HCN3: variants seen among roughly 807,000 people sequenced by gnomAD.
The protein encoded by HCN3 is potassium/sodium hyperpolarization-activated cyclic nucleotide-gated channel 3.
HCN3 carries 36 observed loss-of-function variants against 56.8 expected under a neutral mutation model. The observed-to-expected ratio is 0.63, with a 90% CI of 0.49 to 0.84. The LOEUF is 0.84. Ranked by LOEUF, HCN3 falls within the 40% of genes least tolerant of loss-of-function variation. The pLI, the probability that HCN3 is intolerant of heterozygous loss-of-function variation, is 0.00. For missense variants in HCN3, 930 were observed against 1,079.3 expected, an observed-to-expected ratio of 0.86 and a Z score of 1.94; for synonymous variants, 425 against 439.7, an observed-to-expected ratio of 0.97 and a Z score of 0.42.
Position 155,287,259 on chromosome 1 carries a change from T to A in HCN3, c.1564T>A (p.Phe522Ile). ...CCTTTACTCACTCAGCGTGGACCAT[T>A]TCAATGCTGTGCTTGAGGAGTTCCC... ...CRLYSLSVDH[F>I]NAVLEEFPMM... The change falls in exon 7 of 8, where the codon TTC (phenylalanine) becomes ATC (isoleucine). Residue 522 changes from phenylalanine to isoleucine, a missense_variant. Physicochemically the swap from Phe to Ile is conservative, Grantham distance 21. Transcript: ENST00000368358. 6.2e-7 allele frequency: 1 copy of A among 1,614,042 alleles called. No individual in the cohort carries two copies. Among genetic ancestry groups the A allele is most frequent in the Non-Finnish European group, 8.5e-7 (1 of 1,179,948 alleles).
In HCN3 at chr1:155,285,048, C is replaced by T. The variant is rs913054917; in HGVS notation, c.1090-117C>T. On this transcript the variant is annotated intron_variant, in intron 4 of 7. Transcript: ENST00000368358. The surrounding 1 kb of genome is among the most constrained non-coding windows in gnomAD (Gnocchi z 4.5). ...CCCTGTGTATCCATGTCTGGTTCCA[C>T]GTTTCACCCCTTTGAGTTTGACCTG... The T allele has an allele frequency of 2.9e-5, 35 of 1,190,700 alleles. No homozygotes were observed. The highest frequency in any genetic ancestry group is 2.1e-4 in the African/African-American group (14 of 65,706). 73.8% of individuals were successfully genotyped at this position (1,190,700 alleles called of 1,614,324 possible).
rs146472527 is a variant in HCN3, at chr1:155,282,026, G to C, written c.279-385G>C. Among the ~76,000 whole-genome samples, 553 of 152,342 alleles carry C rather than the reference G, an allele frequency of 3.6e-3. 2 individuals are homozygous for C. The highest frequency in any genetic ancestry group is 0.012 in the Admixed American group (189 of 15,300). On this transcript the variant is annotated intron_variant, in intron 1 of 7. Transcript: ENST00000368358. The surrounding 1 kb of genome is among the most constrained non-coding windows in gnomAD (Gnocchi z 4.7). ...GCTGTAGTTGGGTAATTTCACAGCTGTATGGTATGCCAGCCCATAAATAGT... is the reference window on the plus strand; with the variant it reads ...GCTGTAGTTGGGTAATTTCACAGCTCTATGGTATGCCAGCCCATAAATAGT...
rs976486479 is a variant in HCN3, at chr1:155,285,919, C to T, written c.1432C>T (p.Arg478Cys). ...GCATGGGCTGCTCAGTGTGCTGGCC[C>T]GCGGCGCCCGGGACACACGCCTCAC... The part of the protein sequence containing the change: ...IQHGLLSVLA[R>C]GARDTRLTDG... The change falls in exon 6 of 8, where the codon CGC becomes TGC. Residue 478 changes from arginine to cysteine, a missense_variant. Transcript: ENST00000368358. The surrounding 1 kb of genome is among the most constrained non-coding windows in gnomAD (Gnocchi z 4.5). The T allele has an allele frequency of 2.9e-5, 46 of 1,607,538 alleles. No homozygotes were observed. Among genetic ancestry groups the T allele is most frequent in the South Asian group, 5.5e-5 (5 of 90,696 alleles).
Position 155,280,640 on chromosome 1 carries a change from G to T in HCN3, c.279-1771G>T, listed in dbSNP as rs189797097. 1.8e-3 allele frequency among the ~76,000 whole-genome samples: 267 copies of T among 148,558 alleles called. 1 individual carries two copies. Among genetic ancestry groups the T allele is most frequent in the African/African-American group, 6.4e-3 (258 of 40,204 alleles). ...TTTTTAGTAGAGATGGGGTTTCACC[G>T]TGTTAGCCAGGATGGTCTCAATCTC... On this transcript the variant is annotated intron_variant, in intron 1 of 7. Coordinates refer to ENST00000368358, the MANE Select transcript of HCN3 (RefSeq NM_020897.3).
chr1:155,282,825 A>G lies in HCN3; in HGVS notation c.693A>G (p.Ile231Met). 7.3e-7 allele frequency: 1 copy of G among 1,366,156 alleles called. No homozygotes were observed. The highest frequency in any genetic ancestry group is 1.5e-5 in the African/African-American group (1 of 65,580). 84.6% of individuals were successfully genotyped at this position (1,366,156 alleles called of 1,614,324 possible). A position where few individuals can be genotyped will look rare whatever the true frequency, so the allele number is the denominator to read the frequency against. Residue 231 changes from isoleucine (I) to methionine (M), a missense_variant, in exon 2 of 8, where the codon ATA becomes ATG. Physicochemically the swap from Ile to Met is conservative, Grantham distance 10. Coordinates refer to ENST00000368358, the MANE Select transcript of HCN3 (RefSeq NM_020897.3). The surrounding 1 kb of genome is among the most constrained non-coding windows in gnomAD (Gnocchi z 4.7). ...LLRLSRLIRY[I>M]HQWEEIFHMT... ...GCCTCTCCCGCCTCATCCGCTACAT[A>G]CACCAGTGGGAGGAGGTGGGGTGGG...
chr1:155,287,388 C>G lies in HCN3; in HGVS notation c.1642+51C>G, dbSNP rs1484861166. The G allele has an allele frequency of 4.4e-6, 7 of 1,599,686 alleles. No homozygotes were observed. The Admixed American group carries it at 1.0e-4, about 23-fold the overall frequency. On this transcript the variant is annotated intron_variant, in intron 7 of 7. Transcript: ENST00000368358. Reference sequence around the variant, plus strand: ...CTGGGTCCAGACTGTGCTCTCACCCCACCTCCAAAGCAAGGAGCCCAGGCT... The same window carrying G: ...CTGGGTCCAGACTGTGCTCTCACCCGACCTCCAAAGCAAGGAGCCCAGGCT...
chr1:155,285,426 C>T lies in HCN3; in HGVS notation c.1236+115C>T. The stretch of plus-strand genomic sequence containing the variant: ...TAGGGAATGAGGCCTGCAGAGGGCC[C>T]CGTGGGAGGCCAGGTATTTGGGCTT... On this transcript the variant is annotated intron_variant, in intron 5 of 7. Coordinates refer to ENST00000368358, the MANE Select transcript of HCN3 (RefSeq NM_020897.3). The surrounding 1 kb of genome is among the most constrained non-coding windows in gnomAD (Gnocchi z 4.5). 7.3e-7 allele frequency: 1 copy of T among 1,363,414 alleles called. No individual in the cohort carries two copies. Among genetic ancestry groups the T allele is most frequent in the Non-Finnish European group, 9.9e-7 (1 of 1,010,770 alleles). The allele number at this position is 1,363,414 out of a possible 1,614,324, so 84.5% of individuals were successfully genotyped here.
chr1:155,284,776 G>A lies in HCN3; in HGVS notation c.1089+19G>A, dbSNP rs1674209667. Reference sequence around the variant, plus strand: ...GGAGAAGGTCAGCAGGGACAGGAGAGGGAGGTGTGGCATGGAGGGGTGTTG... The same window carrying A: ...GGAGAAGGTCAGCAGGGACAGGAGAAGGAGGTGTGGCATGGAGGGGTGTTG... On this transcript the variant is annotated intron_variant, in intron 4 of 7. Coordinates refer to ENST00000368358, the MANE Select transcript of HCN3 (RefSeq NM_020897.3). The surrounding 1 kb of genome is among the most constrained non-coding windows in gnomAD (Gnocchi z 4.3). The A allele has an allele frequency of 1.3e-6, 2 of 1,598,770 alleles. No individual in the cohort carries two copies. Among genetic ancestry groups the A allele is most frequent in the East Asian group, 2.2e-5 (1 of 44,482 alleles).
At chr1:155,286,115 G>C (rs11264353) in intron 6 of HCN3, 151 bp downstream of exon 6, 331,174 of 1,117,342 alleles carry the variant, frequency 0.3, 56,624 homozygotes, top group East Asian at 0.73. Context: ...TCTGGGCTGG[G>C]GTCTGGAGCT....
At position 155,288,589 on chromosome 1, in the gene HCN3, C is replaced by T; in HGVS notation, c.*126C>T. On this transcript the variant is annotated 3_prime_UTR_variant, in exon 8 of 8. Transcript: ENST00000368358. The surrounding 1 kb of genome is among the most constrained non-coding windows in gnomAD (Gnocchi z 6.5). ...CATGGAAATGTCGACCCTGTGCGGA[C>T]ATTCCGCATACTGCCATGAAGACGG... The T allele has an allele frequency of 8.3e-7, 1 of 1,207,446 alleles. No individual in the cohort carries two copies. Among genetic ancestry groups the T allele is most frequent in the East Asian group, 2.4e-5 (1 of 41,064 alleles). The allele number at this position is 1,207,446 out of a possible 1,614,324, so 74.8% of individuals were successfully genotyped here.
intron 1 of HCN3, among the ~76,000 whole-genome samples, chr1:155,279,973 G>A (rs945068824): frequency 6.6e-6 from 1 of 151,886 alleles, no homozygotes; most frequent in African/African-American, 2.4e-5. Context: ...TTGAGAAGGA[G>A]TCTCACTGTG....
intron 1 of HCN3, among the ~76,000 whole-genome samples, chr1:155,279,985 CG>C (rs1270494007): frequency 6.6e-6 from 1 of 151,890 alleles, no homozygotes; most frequent in African/African-American, 2.4e-5. Context: ...CTCACTGTGT[CG>C]CCCAGGCTGG....
At position 155,284,504 on chromosome 1, in the gene HCN3, C is replaced by T; in HGVS notation, c.871-35C>T. Reference sequence around the variant, plus strand: ...GGCAGAGAATGAGGCTCCGAGGGGCCCATGCCCAGCTCTGCAATATACTCT... The same window carrying T: ...GGCAGAGAATGAGGCTCCGAGGGGCTCATGCCCAGCTCTGCAATATACTCT... On this transcript the variant is annotated intron_variant, in intron 3 of 7. Transcript: ENST00000368358. This position sits in a 1 kb window ranked among gnomAD's most constrained non-coding sequence, Gnocchi z 4.3. 6.3e-7 allele frequency: 1 copy of T among 1,580,778 alleles called. No homozygotes were observed. Among genetic ancestry groups the T allele is most frequent in the Non-Finnish European group, 8.6e-7 (1 of 1,156,192 alleles).
At chr1:155,287,638 C>G in intron 7 of HCN3, 143 bp from the exon 8 acceptor site, 1 of 1,112,194 alleles carries the variant, frequency 9.0e-7, no homozygotes, top group Non-Finnish European at 1.3e-6. Flanking sequence ...TCTCAACCCC[C>G]ATAGCCCCAT....
At chr1:155,283,926 A>G in intron 2 of HCN3, 48 bp from the exon 3 acceptor site, 2 of 1,583,066 alleles carry the variant, frequency 1.3e-6, no homozygotes, top group Non-Finnish European at 1.7e-6. Context: ...GAGGAGGACA[A>G]GCAGGGAGGG....
In HCN3 at chr1:155,285,936, A is replaced by C; in HGVS notation, c.1449A>C (p.Thr483=). 1.3e-6 allele frequency: 2 copies of C among 1,598,722 alleles called. No homozygotes were observed. Among genetic ancestry groups the C allele is most frequent in the Non-Finnish European group, 1.7e-6 (2 of 1,168,880 alleles). The change falls in exon 6 of 8, where the codon ACA becomes ACC. Residue 483 remains threonine (T), a synonymous_variant. Transcript: ENST00000368358. This position sits in a 1 kb window ranked among gnomAD's most constrained non-coding sequence, Gnocchi z 4.5. ...TGCTGGCCCGCGGCGCCCGGGACAC[A>C]CGCCTCACCGATGGATCCTACTTTG... ...LSVLARGARD[T]RLTDGSYFGE... is the part of the protein sequence containing the mutation.
At position 155,284,686 on chromosome 1, in the gene HCN3, G is replaced by A. The variant is rs749080461; in HGVS notation, c.1018G>A (p.Ala340Thr). 6.2e-7 allele frequency: 1 copy of A among 1,614,208 alleles called. No homozygotes were observed. The highest frequency in any genetic ancestry group is 1.1e-5 in the South Asian group (1 of 91,088). ...CATGATCGTAGGTGCCACATGCTAC[G>A]CCATGTTCATCGGCCATGCCACGGC... Reference protein sequence around the residue: ...LSMIVGATCYAMFIGHATALI... With the variant: ...LSMIVGATCYTMFIGHATALI... The change falls in exon 4 of 8, where the codon GCC (alanine) becomes ACC (threonine). Residue 340 changes from alanine to threonine, a missense_variant. By Grantham distance (58) the Ala-to-Thr change is moderately conservative. Coordinates refer to ENST00000368358, the MANE Select transcript of HCN3 (RefSeq NM_020897.3). The surrounding 1 kb of genome is among the most constrained non-coding windows in gnomAD (Gnocchi z 4.3).
Position 155,277,546 on chromosome 1 carries a change from C to T in HCN3, c.-45C>T. 6.6e-7 allele frequency: 1 copy of T among 1,522,834 alleles called. No individual in the cohort carries two copies. Among genetic ancestry groups the T allele is most frequent in the Non-Finnish European group, 8.8e-7 (1 of 1,135,888 alleles). The allele number at this position is 1,522,834 out of a possible 1,614,324, so 94.3% of individuals were successfully genotyped here. A position where few individuals can be genotyped will look rare whatever the true frequency, so the allele number is the denominator to read the frequency against. On this transcript the variant is annotated 5_prime_UTR_variant, in exon 1 of 8. Transcript: ENST00000368358. ...GGAGGGGTTGCGGGTACCTGATGGC[C>T]ACAGAGGGCTCTAGGAGGCCGAGCG...
intron 2 of HCN3, among the ~76,000 whole-genome samples, chr1:155,283,416 T>A (rs1426295764): frequency 4.0e-5 from 6 of 151,586 alleles, no homozygotes; most frequent in East Asian, 1.9e-4. Context: ...TATTATTATT[T>A]TTATTATACT....
Sources: gnomAD v4.1 joint callset for allele counts (sites outside exome capture counted in the v4.1 genomes callset) on GRCh38, gnomAD v4.1.1 for gene constraint, Gnocchi (gnomAD v3.1) non-coding constraint, MANE v1.5 for transcripts, NCBI Gene and HGNC (gene_info 2026-07-23, HGNC 2026-07-21) for gene names.